Variants in DIS3 observed in about 807,000 individuals in gnomAD.
The protein encoded by DIS3 is exosome complex exonuclease RRP44.
A neutral mutation model predicts 113.0 loss-of-function variants in DIS3; 103 were observed. The observed-to-expected ratio is 0.91, with a 90% CI of 0.78 to 1.07. The LOEUF (loss-of-function observed/expected upper bound fraction) is 1.07, where lower values mean the gene tolerates loss of function less well. DIS3 is among the 50% of genes least tolerant of loss of function. The pLI is 0.00. For synonymous variants in DIS3, 402 were observed against 394.3 expected (o/e 1.02, Z -0.23); for missense variants, 1,121 against 1,167.1 (o/e 0.96, Z 0.58).
intron 15 of DIS3, among the ~76,000 whole-genome samples, chr13:72,765,128 T>C (rs1351040367): frequency 3.3e-5 from 5 of 151,950 alleles, no homozygotes; most frequent in African/African-American, 1.2e-4. Flanking sequence ...AACCCTGATT[T>C]AACAAAAAAA....
At chr13:72,772,953 C>G (rs971543583) in intron 8 of DIS3, 114 bp from the exon 9 acceptor site, 1 of 1,217,354 alleles carries the variant, frequency 8.2e-7, no homozygotes, top group African/African-American at 1.5e-5. Context: ...ATTCCCATAA[C>G]GATTTCTGAA....
In DIS3 at chr13:72,775,955, C is replaced by G; in HGVS notation, c.792G>C (p.Trp264Cys). The G allele has an allele frequency of 1.2e-6, 2 of 1,608,834 alleles. No individual in the cohort carries two copies. Among genetic ancestry groups the G allele is most frequent in the Non-Finnish European group, 1.7e-6 (2 of 1,178,710 alleles). The change falls in exon 5 of 21, where the codon TGG (tryptophan) becomes TGC (cysteine). Residue 264 changes from tryptophan (W) to cysteine (C), a missense_variant. Around this residue, in one of 3 missense-constraint regions of DIS3, gnomAD observed 861 missense variants for 915.5 expected, o/e 0.94. Coordinates refer to ENST00000377767, the MANE Select transcript of DIS3 (RefSeq NM_014953.5). Reference protein sequence around the residue: ...SRENYLEATVWIHGDNEENKE... With the variant: ...SRENYLEATVCIHGDNEENKE... ...TATTTTCTTCATTGTCGCCATGAAT[C>G]CATACTGTAGCTTCCAAGTAATTTT...
In DIS3 at chr13:72,759,555, G is replaced by T. The variant is rs141709200; in HGVS notation, c.*240C>A. 3.2e-5 allele frequency: 13 copies of T among 406,054 alleles called. No individual in the cohort carries two copies. Among genetic ancestry groups the T allele is most frequent in the African/African-American group, 2.6e-4 (13 of 49,202 alleles). 25.2% of individuals were successfully genotyped at this position (406,054 alleles called of 1,614,324 possible). ...TCCCTGAAGTTGCTGTCCTGTCACT[G>T]TATTTAAGTGATGGATATTCAATTG... is the stretch of plus-strand genomic sequence containing the variant. On this transcript the variant is annotated 3_prime_UTR_variant, in exon 21 of 21. Coordinates refer to ENST00000377767, the MANE Select transcript of DIS3 (RefSeq NM_014953.5).
chr13:72,776,035 G>T lies in DIS3; in HGVS notation c.712C>A (p.Gln238Lys), dbSNP rs769864575. The part of the protein sequence containing the change: ...FSEHLPLSKL[Q>K]QGIKSGTYLQ... ...TATGTACCAGATTTTATGCCTTGCT[G>T]TAGCTTACTTAAGGGAAGATGCTCT... The change falls in exon 5 of 21, where the codon CAG (glutamine) becomes AAG (lysine). Residue 238 changes from glutamine to lysine, a missense_variant. Around this residue, in one of 3 missense-constraint regions of DIS3, gnomAD observed 861 missense variants for 915.5 expected, o/e 0.94. Coordinates refer to ENST00000377767, the MANE Select transcript of DIS3 (RefSeq NM_014953.5). 6.2e-7 allele frequency: 1 copy of T among 1,608,028 alleles called. No homozygotes were observed. The highest frequency in any genetic ancestry group is 1.1e-5 in the South Asian group (1 of 89,352).
intron 4 of DIS3, 57 bp downstream of exon 4, chr13:72,777,363 T>C (rs1566251055): frequency 3.9e-6 from 6 of 1,538,026 alleles, no homozygotes; most frequent in Non-Finnish European, 4.5e-6. Flanking sequence ...ATATGCCTAA[T>C]ATTCCAAAGT....
At chr13:72,777,739 T>C (rs1342441587) in intron 3 of DIS3, among the ~76,000 whole-genome samples, 1 of 150,336 alleles carries the variant, frequency 6.7e-6, no homozygotes, top group Non-Finnish European at 1.5e-5. Flanking sequence ...AGTTACATAC[T>C]ACCATGCACG....
rs2138123274 is a variant in DIS3 at position 72,755,260 on chromosome 13, CAT to C, written c.*4533_*4534del. On this transcript the variant is annotated 3_prime_UTR_variant, in exon 21 of 21. Transcript: ENST00000377767. ...AAAGACTAAGCTTAAGAGTTCCTCG[CAT>C]ATATCGTTGTGCACAGGATCAACAT... is the stretch of plus-strand genomic sequence containing the variant. 6.6e-7 allele frequency: 1 copy of C among 1,507,940 alleles called. No homozygotes were observed. The highest frequency in any genetic ancestry group is 2.3e-5 in the East Asian group (1 of 44,326). The allele number at this position is 1,507,940 out of a possible 1,614,324, so 93.4% of individuals were successfully genotyped here. A position where few individuals can be genotyped will look rare whatever the true frequency, so the allele number is the denominator to read the frequency against.
intron 2 of DIS3, among the ~76,000 whole-genome samples, chr13:72,780,325 CAAAAAAAAAA>C (rs397851597): frequency 1.8e-5 from 1 of 55,384 alleles, no homozygotes; most frequent in Non-Finnish European, 3.1e-5. Flanking sequence ...GACTCCATCT[CAAAAAAAAAA>C]AAAAAAAAAA....
In DIS3 at chr13:72,774,049, G is replaced by T. The variant is rs566995932; in HGVS notation, c.998C>A (p.Ala333Asp). 6.9e-5 allele frequency: 110 copies of T among 1,589,294 alleles called. No individual in the cohort carries two copies. Among genetic ancestry groups the T allele is most frequent in the Non-Finnish European group, 9.0e-5 (105 of 1,171,438 alleles). Reference sequence around the variant, plus strand: ...AGGCTTCAACATTTTCTCGCTTACAGCAGTCTTAAGCTGAGATATAAAAAT... The same window carrying T: ...AGGCTTCAACATTTTCTCGCTTACATCAGTCTTAAGCTGAGATATAAAAAT... ...EEETERMLKT[A>D]VSEKMLKPTG... Residue 333 changes from alanine to aspartate, a missense_variant, in exon 7 of 21, where the codon GCT becomes GAT. Ala to Asp is a moderately radical substitution (Grantham distance 126). This residue lies in a region of DIS3 where 861 missense variants were observed against 915.5 expected (regional missense o/e 0.94). Coordinates refer to ENST00000377767, the MANE Select transcript of DIS3 (RefSeq NM_014953.5).
chr13:72,760,789 G>T, intron 19 of DIS3, 138 bp from the exon 20 acceptor site: 1 of 981,438 alleles, frequency 1.0e-6, no homozygotes, highest in Non-Finnish European at 1.4e-6. Context: ...CATAACAAAG[G>T]CCACAAACCT....
In DIS3 at chr13:72,755,773, C is replaced by A; in HGVS notation, c.*4022G>T. On this transcript the variant is annotated 3_prime_UTR_variant, in exon 21 of 21. Coordinates refer to ENST00000377767, the MANE Select transcript of DIS3 (RefSeq NM_014953.5). ...ATTCTTAGTTCCAGTGATAACTGTT[C>A]TAGTTACTACTTTTAAGTATGTAAA... The A allele has an allele frequency of 2.5e-6, 1 of 397,800 alleles. No homozygotes were observed. Among genetic ancestry groups the A allele is most frequent in the South Asian group, 1.4e-4 (1 of 7,292 alleles). 24.6% of individuals were successfully genotyped at this position (397,800 alleles called of 1,614,324 possible). A position where few individuals can be genotyped will look rare whatever the true frequency, so the allele number is the denominator to read the frequency against.
rs2033875283 is a variant in DIS3 at position 72,771,084 on chromosome 13, T to C, written c.1667A>G (p.Asp556Gly). The change falls in exon 12 of 21, where the codon GAC becomes GGC. Residue 556 changes from aspartate (D) to glycine (G), a missense_variant. Asp to Gly is a moderately conservative substitution (Grantham distance 94). Around this residue, in one of 3 missense-constraint regions of DIS3, gnomAD observed 861 missense variants for 915.5 expected, o/e 0.94. Coordinates refer to ENST00000377767, the MANE Select transcript of DIS3 (RefSeq NM_014953.5). ...SNLCSLKCDV[D>G]RLAFSCIWEM... is the part of the protein sequence containing the mutation. ...AAAAAAAACCATGCAGAAATACCTG[T>C]CCACGTCACATTTTAAGGAACACAA... 3 of 1,613,504 alleles carry C rather than the reference T, an allele frequency of 1.9e-6. No homozygotes were observed. In the South Asian group the frequency reaches 3.3e-5, roughly 18 times the overall value.
At chr13:72,768,465 C>A (rs988042492) in intron 14 of DIS3, among the ~76,000 whole-genome samples, 5 of 152,248 alleles carry the variant, frequency 3.3e-5, no homozygotes, top group Admixed American at 6.5e-5. Flanking sequence ...GCCTGGCCAA[C>A]AAGGTGAAAC....
rs1038875671 is a variant in DIS3 at position 72,757,286 on chromosome 13, G to A, written c.*2509C>T. Reference sequence around the variant, plus strand: ...TTTTTTTTTGAGACAGTCTTGTTCTGTCACCCAGGCTGGAGTGCAGTGGCG... The same window carrying A: ...TTTTTTTTTGAGACAGTCTTGTTCTATCACCCAGGCTGGAGTGCAGTGGCG... On this transcript the variant is annotated 3_prime_UTR_variant, in exon 21 of 21. Coordinates refer to ENST00000377767, the MANE Select transcript of DIS3 (RefSeq NM_014953.5). 2.1e-5 allele frequency: 3 copies of A among 146,304 alleles called. No homozygotes were observed. The highest frequency in any genetic ancestry group is 7.7e-5 in the African/African-American group (3 of 39,118). 9.1% of individuals were successfully genotyped at this position (146,304 alleles called of 1,614,324 possible). A position where few individuals can be genotyped will look rare whatever the true frequency, so the allele number is the denominator to read the frequency against.
In DIS3 at chr13:72,775,279, A is replaced by C. The variant is rs1217155544; in HGVS notation, c.919T>G (p.Ser307Ala). The change falls in exon 6 of 21, where the codon TCT (serine) becomes GCT (alanine). Residue 307 changes from serine to alanine, a missense_variant. By Grantham distance (99) the Ser-to-Ala change is moderately conservative. This residue lies in a region of DIS3 where 861 missense variants were observed against 915.5 expected (regional missense o/e 0.94). Coordinates refer to ENST00000377767, the MANE Select transcript of DIS3 (RefSeq NM_014953.5). Reference sequence around the variant, plus strand: ...TGACCTTCATCATGTAAAACCACAGAAGATGGTGCTACCCACTGACTCTTG... The same window carrying C: ...TGACCTTCATCATGTAAAACCACAGCAGATGGTGCTACCCACTGACTCTTG... ...LPKSQWVAPSSVVLHDEGQNE... is the reference protein window; with the variant it reads ...LPKSQWVAPSAVVLHDEGQNE... 6.2e-7 allele frequency: 1 copy of C among 1,613,624 alleles called. No homozygotes were observed. The highest frequency in any genetic ancestry group is 2.2e-5 in the East Asian group (1 of 44,864).
At chr13:72,779,747 AGTGGTGGTG>A (rs1164924305) in intron 2 of DIS3, among the ~76,000 whole-genome samples, 8 of 101,612 alleles carry the variant, frequency 7.9e-5, no homozygotes, top group African/African-American at 7.7e-5. Flanking sequence ...ATTACAACTG[AGTGGTGGTG>A]GTGGTGGTGG....
chr13:72,776,036 T>A lies in DIS3; in HGVS notation c.711A>T (p.Leu237=). Residue 237 remains leucine, a synonymous_variant, in exon 5 of 21, where the codon CTA becomes CTT. Coordinates refer to ENST00000377767, the MANE Select transcript of DIS3 (RefSeq NM_014953.5). ...IFSEHLPLSK[L]QQGIKSGTYL... is the part of the protein sequence containing the mutation. ...ATGTACCAGATTTTATGCCTTGCTG[T>A]AGCTTACTTAAGGGAAGATGCTCTG... 1 of 1,608,392 alleles carries A rather than the reference T, an allele frequency of 6.2e-7. No homozygotes were observed.
At chr13:72,766,115 T>G in intron 14 of DIS3, 57 bp from the exon 15 acceptor site, 1 of 1,400,984 alleles carries the variant, frequency 7.1e-7, no homozygotes, top group Non-Finnish European at 9.8e-7. Flanking sequence ...AAGACAAAAG[T>G]ATAGAAATTA....
Position 72,761,461 on chromosome 13 carries a change from T to C in DIS3, c.2572A>G (p.Asn858Asp), listed in dbSNP as rs777265367. 6.2e-7 allele frequency: 1 copy of C among 1,610,456 alleles called. No individual in the cohort carries two copies. The highest frequency in any genetic ancestry group is 8.5e-7 in the Non-Finnish European group (1 of 1,178,762). ...TTTGGAATTAATACCACAATGGCAT[T>C]CTTTCTTACAAATAAAATATAGGCT... ...EEAYILFVRK[N>D]AIVVLIPKYG... Residue 858 changes from asparagine (N) to aspartate (D), a missense_variant, in exon 19 of 21, where the codon AAT (asparagine) becomes GAT (aspartate). Physicochemically the swap from Asn to Asp is conservative, Grantham distance 23 (BLOSUM62 1). Transcript: ENST00000377767.
Sources: gnomAD v4.1 joint callset for allele counts (sites outside exome capture counted in the v4.1 genomes callset) on GRCh38, gnomAD v4.1.1 for gene constraint, gnomAD v4.1.1 regional missense constraint, MANE v1.5 for transcripts, NCBI Gene and HGNC (gene_info 2026-07-23, HGNC 2026-07-21) for gene names.